CIMIP2A: variants seen among roughly 807,000 people sequenced by gnomAD.
The protein encoded by CIMIP2A is family with sequence similarity 166 member A.
chr9:137,243,684 C>A, the CIMIP2A span: 1 of 1,614,098 alleles, frequency 6.2e-7, no homozygotes, highest in Non-Finnish European at 8.5e-7. Context: ...GTACAGACAC[C>A]ACCATTAAAG....
chr9:137,252,642 C>T, the CIMIP2A span: 40 of 1,533,264 alleles, frequency 2.6e-5, no homozygotes, highest in East Asian at 6.9e-4. Context: ...CCCTGCAGCC[C>T]GTCTCCTACC....
the CIMIP2A span, among the ~76,000 whole-genome samples, chr9:137,248,827 C>G: frequency 6.6e-6 from 1 of 152,134 alleles, no homozygotes; most frequent in African/African-American, 2.4e-5. Flanking sequence ...GAGATCGCAC[C>G]GCTGCACTTC....
chr9:137,251,495 G>A, the CIMIP2A span: 5 of 1,057,990 alleles, frequency 4.7e-6, no homozygotes, highest in South Asian at 4.3e-5. Flanking sequence ...GCGGCTGGGG[G>A]ACTGAGGGAC....
At chr9:137,243,648 C>T in the CIMIP2A span, 7 of 1,613,898 alleles carry the variant, frequency 4.3e-6, no homozygotes, top group South Asian at 1.1e-5. Context: ...TGTGCACTTG[C>T]TGTTTTCCCT....
At chr9:137,253,216 C>T in the CIMIP2A span, 1 of 1,608,614 alleles carries the variant, frequency 6.2e-7, no homozygotes, top group Admixed American at 1.7e-5. Flanking sequence ...ACCCAAGCGC[C>T]ACGACACAGG....
the CIMIP2A span, chr9:137,250,267 G>A: frequency 1.3e-5 from 2 of 152,240 alleles, no homozygotes; most frequent in Non-Finnish European, 2.9e-5. Flanking sequence ...ACAGGGCAGG[G>A]AGGACCTGGA....
At chr9:137,245,288 T>C in the CIMIP2A span, 4,773 of 1,579,842 alleles carry the variant, frequency 3.0e-3, 142 homozygotes, top group African/African-American at 0.058. Flanking sequence ...GGCTTGGCAC[T>C]GGTGCATCCC....
At chr9:137,246,996 G>T in the CIMIP2A span, among the ~76,000 whole-genome samples, 1 of 151,382 alleles carries the variant, frequency 6.6e-6, no homozygotes, top group African/African-American at 2.4e-5. Flanking sequence ...TTTAAAGTGT[G>T]GAGTCCTGGC....
the CIMIP2A span, chr9:137,243,838 G>A: frequency 3.8e-6 from 6 of 1,577,932 alleles, no homozygotes; most frequent in East Asian, 2.2e-5. Context: ...CCCAGGACCA[G>A]CATGGGCTGG....
the CIMIP2A span, chr9:137,245,461 T>C: frequency 2.5e-6 from 4 of 1,613,764 alleles, no homozygotes; most frequent in Admixed American, 3.3e-5. Flanking sequence ...CAGCAGAATC[T>C]GTCTGGGTAT....
the CIMIP2A span, among the ~76,000 whole-genome samples, chr9:137,248,405 C>T: frequency 1.7e-4 from 26 of 151,806 alleles, no homozygotes; most frequent in East Asian, 3.1e-3. Context: ...TAGCCAGGTG[C>T]GGTGGCGTGC....
chr9:137,249,372 T>C, the CIMIP2A span, among the ~76,000 whole-genome samples: 10 of 152,216 alleles, frequency 6.6e-5, no homozygotes, highest in Non-Finnish European at 1.5e-4. Flanking sequence ...ACTGGGACCA[T>C]TGCTTCCACT....
chr9:137,243,826 TGCCCAGGACCAGCATGGGCTGGAC>T, the CIMIP2A span: 8 of 1,603,232 alleles, frequency 5.0e-6, no homozygotes, highest in Non-Finnish European at 6.8e-6. Flanking sequence ...TGGGCTTATG[TGCCCAGGACCAGCATGGGCTGGAC>T]ACCCAGGCTT....
the CIMIP2A span, chr9:137,245,739 G>C: frequency 1.7e-5 from 27 of 1,599,044 alleles, no homozygotes; most frequent in Non-Finnish European, 2.3e-5. Context: ...TGGACATGGG[G>C]GACAGCACAG....
chr9:137,245,460 C>T, the CIMIP2A span: 1 of 1,613,918 alleles, frequency 6.2e-7, no homozygotes, highest in South Asian at 1.1e-5. Context: ...GCAGCAGAAT[C>T]TGTCTGGGTA....
At chr9:137,245,568 A>G in the CIMIP2A span, 2 of 1,613,688 alleles carry the variant, frequency 1.2e-6, no homozygotes, top group South Asian at 2.2e-5. Context: ...CTGTACCAAC[A>G]GGGCAGCCTG....
chr9:137,245,880 G>A, the CIMIP2A span: 6 of 1,481,032 alleles, frequency 4.1e-6, no homozygotes, highest in Admixed American at 4.7e-5. Context: ...AGAAGGCAGG[G>A]CAGGTCTCAA....
the CIMIP2A span, chr9:137,251,873 C>T: frequency 1.2e-6 from 2 of 1,608,610 alleles, no homozygotes; most frequent in African/African-American, 1.3e-5. Context: ...TGCCCACCTA[C>T]ACCCAGACCC....
chr9:137,245,188 G>C, the CIMIP2A span: 14 of 870,800 alleles, frequency 1.6e-5, no homozygotes, highest in Non-Finnish European at 2.7e-5. Context: ...CGGGCGGGGG[G>C]TGGGTACTCA....
Sources: allele counts gnomAD v4.1 joint callset (sites outside exome capture counted in the v4.1 genomes callset), GRCh38; gene constraint gnomAD v4.1.1; transcripts MANE v1.5; gene names NCBI Gene and HGNC (gene_info 2026-07-23, HGNC 2026-07-21).